EPS15: variants seen among roughly 807,000 people sequenced by gnomAD.
EPS15 encodes the protein epidermal growth factor receptor substrate 15.
A neutral mutation model predicts 113.8 loss-of-function variants in EPS15; 72 were observed. The ratio of observed to expected loss-of-function variants is 0.63; its 90% CI spans 0.52 to 0.77. The LOEUF (loss-of-function observed/expected upper bound fraction) is 0.77. Ranked by LOEUF, EPS15 falls within the 30% of genes least tolerant of loss-of-function variation. The pLI, the probability that EPS15 is intolerant of heterozygous loss-of-function variation, is 0.00. For synonymous variants in EPS15, 344 were observed against 363.4 expected (o/e 0.95, Z 0.61); for missense variants, 1,048 against 1,045.8 (o/e 1.00, Z -0.03).
At chr1:51,415,400 T>C (rs1650110265) in intron 13 of EPS15, among the ~76,000 whole-genome samples, 2 of 152,168 alleles carry the variant, frequency 1.3e-5, no homozygotes, top group Admixed American at 6.5e-5. Flanking sequence ...ACTGAGGAAA[T>C]ACCTAACATT....
chr1:51,387,028 A>G (rs1021937152), intron 21 of EPS15, among the ~76,000 whole-genome samples: 3 of 152,186 alleles, frequency 2.0e-5, no homozygotes, highest in Admixed American at 1.3e-4. Flanking sequence ...CAGATTCACC[A>G]AAGTTGAAAT....
Position 51,400,933 on chromosome 1 carries a change from G to A in EPS15, c.1903C>T (p.Pro635Ser). 1.3e-6 allele frequency: 2 copies of A among 1,584,482 alleles called. No homozygotes were observed. Among genetic ancestry groups the A allele is most frequent in the Non-Finnish European group, 8.6e-7 (1 of 1,164,738 alleles). Residue 635 changes from proline to serine, a missense_variant, in exon 19 of 25, where the codon CCT becomes TCT. Physicochemically the swap from Pro to Ser is moderately conservative, Grantham distance 74. Transcript: ENST00000371733. ...AGATACTGACCGATTTTTCCAAAAG[G>A]ATCATCCTTGAAAGGATCACCTGTG... ...FVGSDPFKDD[P>S]FGKIDPFGGD...
chr1:51,514,009 C>G (rs1475566397), intron 1 of EPS15, among the ~76,000 whole-genome samples: 1 of 151,978 alleles, frequency 6.6e-6, no homozygotes, highest in African/African-American at 2.4e-5. Context: ...CTGTTGAAAA[C>G]AAGGTAGATA....
intron 2 of EPS15, among the ~76,000 whole-genome samples, chr1:51,474,294 C>T (rs1168310730): frequency 6.6e-6 from 1 of 152,184 alleles, no homozygotes; most frequent in Non-Finnish European, 1.5e-5. Context: ...AATGACTATA[C>T]TTTTGATATA....
intron 21 of EPS15, among the ~76,000 whole-genome samples, chr1:51,388,081 C>A (rs1265090044): frequency 1.3e-5 from 2 of 152,104 alleles, no homozygotes; most frequent in Non-Finnish European, 2.9e-5. Context: ...TAAAGCTCTC[C>A]TCAGCAAATG....
intron 1 of EPS15, among the ~76,000 whole-genome samples, chr1:51,486,018 G>T (rs1644115011): frequency 6.6e-6 from 1 of 151,900 alleles, no homozygotes; most frequent in South Asian, 2.1e-4. Context: ...GGTTGGTCTT[G>T]AACTACTGAC....
chr1:51,428,624 C>T (rs1182964231), intron 12 of EPS15, among the ~76,000 whole-genome samples: 33 of 151,756 alleles, frequency 2.2e-4, no homozygotes, highest in Non-Finnish European at 8.8e-5. Context: ...GTCAGGAGTT[C>T]GAGACCAGCC....
Position 51,409,430 on chromosome 1 carries a change from G to T in EPS15, c.1275+105C>A. On this transcript the variant is annotated intron_variant, in intron 14 of 24. Transcript: ENST00000371733. Reference sequence around the variant, plus strand: ...CATGAACCCAAATGCTGACTGGATTGCCAACCACCACCATCAATAACAAAA... The same window carrying T: ...CATGAACCCAAATGCTGACTGGATTTCCAACCACCACCATCAATAACAAAA... 2.8e-6 allele frequency: 3 copies of T among 1,090,256 alleles called. No homozygotes were observed. In the Admixed American group the frequency reaches 7.8e-5, roughly 28 times the overall value. 67.5% of individuals were successfully genotyped at this position (1,090,256 alleles called of 1,614,324 possible). A position where few individuals can be genotyped will look rare whatever the true frequency, so the allele number is the denominator to read the frequency against.
At chr1:51,387,061 G>C (rs1350636025) in intron 21 of EPS15, among the ~76,000 whole-genome samples, 1 of 152,192 alleles carries the variant, frequency 6.6e-6, no homozygotes, top group East Asian at 1.9e-4. Context: ...GTTAAGGGCA[G>C]CCAGAGAGAA....
At position 51,468,512 on chromosome 1, in the gene EPS15, T is replaced by G. The variant is rs766423848; in HGVS notation, c.270A>C (p.Ser90=). ...VACAQNGLEV[S]LSSLNLAVPP... The stretch of plus-strand genomic sequence containing the variant: ...GAACAGCCAGGTTCAAACTACTTAG[T>G]GAAACTTCCAATCCATTCTGGGCAC... Residue 90 remains serine (S), a synonymous_variant, in exon 5 of 25, where the codon TCA becomes TCC. Transcript: ENST00000371733. 17 of 1,613,420 alleles carry G rather than the reference T, an allele frequency of 1.1e-5. No homozygotes were observed. Among genetic ancestry groups the G allele is most frequent in the Non-Finnish European group, 1.4e-5 (17 of 1,179,576 alleles).
chr1:51,459,671 A>G (rs964365395), intron 8 of EPS15, among the ~76,000 whole-genome samples: 2 of 152,160 alleles, frequency 1.3e-5, no homozygotes, highest in Non-Finnish European at 1.5e-5. Context: ...TTTATAGACT[A>G]TATTTTTCTA....
intron 20 of EPS15, among the ~76,000 whole-genome samples, chr1:51,397,363 T>C (rs143788090): frequency 1.3e-5 from 2 of 152,322 alleles, no homozygotes; most frequent in African/African-American, 4.8e-5. Flanking sequence ...AAGGACAATA[T>C]TCCTTTAGAA....
At chr1:51,489,187 G>GA (rs929521462) in intron 1 of EPS15, among the ~76,000 whole-genome samples, 3 of 148,572 alleles carry the variant, frequency 2.0e-5, no homozygotes, top group African/African-American at 7.4e-5. Context: ...TTTTGTTAAG[G>GA]AAAAAATATG....
chr1:51,417,954 A>G (rs1300435871), intron 13 of EPS15, among the ~76,000 whole-genome samples: 1 of 152,158 alleles, frequency 6.6e-6, no homozygotes, highest in African/African-American at 2.4e-5. Context: ...CCCACATCTG[A>G]GAGTCATGAT....
intron 1 of EPS15, among the ~76,000 whole-genome samples, chr1:51,501,643 T>C (rs551241577): frequency 8.7e-4 from 133 of 152,022 alleles, no homozygotes; most frequent in Admixed American, 1.5e-3. Context: ...CACGCCCAGC[T>C]AATTTTTGTG....
At chr1:51,441,362 T>G (rs887786363) in intron 11 of EPS15, among the ~76,000 whole-genome samples, 1 of 152,092 alleles carries the variant, frequency 6.6e-6, no homozygotes, top group African/African-American at 2.4e-5. Flanking sequence ...ATGCCCCAGA[T>G]AGCTAGCTGA....
Position 51,471,722 on chromosome 1 carries a change from C to T in EPS15, c.181G>A (p.Asp61Asn), listed in dbSNP as rs757458767. ...TTCAGGATACCTTTGCCATCTGTGT[C>T]GGCTAAATCCCAAATCTGAAATTTA... is the stretch of plus-strand genomic sequence containing the variant. ...LILGKIWDLA[D>N]TDGKGILNKQ... The change falls in exon 4 of 25, where the codon GAC (aspartate) becomes AAC (asparagine). Residue 61 changes from aspartate (D) to asparagine (N), a missense_variant. Physicochemically the swap from Asp to Asn is conservative, Grantham distance 23 (BLOSUM62 1). Coordinates refer to ENST00000371733, the MANE Select transcript of EPS15 (RefSeq NM_001981.3). 5 of 1,608,824 alleles carry T rather than the reference C, an allele frequency of 3.1e-6. No individual in the cohort carries two copies. The highest frequency in any genetic ancestry group is 2.7e-5 in the African/African-American group (2 of 74,696).
At chr1:51,441,426 T>C (rs1307424133) in intron 11 of EPS15, among the ~76,000 whole-genome samples, 1 of 152,054 alleles carries the variant, frequency 6.6e-6, no homozygotes, top group African/African-American at 2.4e-5. Flanking sequence ...CACCCAATGC[T>C]ACAACCAGAT....
chr1:51,413,728 G>A (rs1474901068), intron 13 of EPS15, among the ~76,000 whole-genome samples: 1 of 151,976 alleles, frequency 6.6e-6, no homozygotes, highest in Non-Finnish European at 1.5e-5. Context: ...AATCATTACT[G>A]CTTTAACATG....
Sources: gnomAD v4.1 joint callset for allele counts (sites outside exome capture counted in the v4.1 genomes callset) on GRCh38, gnomAD v4.1.1 for gene constraint, MANE v1.5 for transcripts, NCBI Gene and HGNC (gene_info 2026-07-23, HGNC 2026-07-21) for gene names.